Variants in BPHL observed in about 807,000 individuals in gnomAD.
BPHL encodes the protein serine hydrolase BPHL.
Under a neutral mutation model 31.2 loss-of-function variants are expected in BPHL, and 27 were observed. The ratio of observed to expected loss-of-function variants is 0.87; its 90% CI spans 0.64 to 1.19. The LOEUF is 1.19. Among genes scored for constraint, BPHL ranks in the 50% most tolerant of loss-of-function variants. The pLI, the probability that BPHL is intolerant of heterozygous loss-of-function variation, is 0.00. For synonymous variants in BPHL, 150 were observed against 146.8 expected (o/e 1.02, Z -0.16); for missense variants, 356 against 375.7 (o/e 0.95, Z 0.43).
chr6:3,118,960 C>G (rs1344495523), intron 1 of BPHL, 113 bp downstream of exon 1: 5 of 900,658 alleles, frequency 5.6e-6, no homozygotes, highest in Non-Finnish European at 7.3e-6. Context: ...GGGGCGTGGG[C>G]GCGGCCTGGC....
chr6:3,144,228 C>T lies in BPHL; in HGVS notation c.788+3719C>T, dbSNP rs1030268448. Among the ~76,000 whole-genome samples the T allele has an allele frequency of 3.3e-5, 5 of 152,122 alleles. No homozygotes were observed. The East Asian group carries it at 5.8e-4, about 18-fold the overall frequency. On this transcript the variant is annotated intron_variant, in intron 6 of 6. Transcript: ENST00000380379. ...GACTACAGGCGCCCACCACCACGCC[C>T]GGCTAATTTTTTGTATTTTTAGTGG...
At chr6:3,131,039 T>G (rs533651020) in intron 4 of BPHL, among the ~76,000 whole-genome samples, 19 of 152,282 alleles carry the variant, frequency 1.2e-4, no homozygotes, top group African/African-American at 3.4e-4. Flanking sequence ...TCCTGTATCC[T>G]TAAATTCTCT....
At chr6:3,152,061 T>G (rs544953918) in intron 6 of BPHL, among the ~76,000 whole-genome samples, 1 of 152,344 alleles carries the variant, frequency 6.6e-6, no homozygotes, top group East Asian at 1.9e-4. Flanking sequence ...GCCAAGAAAC[T>G]CACCTGCCCC....
At chr6:3,124,926 C>T (rs1168210456) in intron 2 of BPHL, among the ~76,000 whole-genome samples, 9 of 152,192 alleles carry the variant, frequency 5.9e-5, no homozygotes, top group Admixed American at 3.3e-4. Flanking sequence ...ACCTGATGAA[C>T]AAGGACACTG....
chr6:3,137,784 A>G (rs998044729), intron 5 of BPHL, among the ~76,000 whole-genome samples: 1 of 152,180 alleles, frequency 6.6e-6, no homozygotes, highest in Non-Finnish European at 1.5e-5. Context: ...TGACAAAATA[A>G]TTATCCAGAA....
At chr6:3,151,554 G>T (rs1762524688) in intron 6 of BPHL, among the ~76,000 whole-genome samples, 3 of 152,066 alleles carry the variant, frequency 2.0e-5, no homozygotes, top group South Asian at 4.1e-4. Context: ...CTGAGGTTCT[G>T]AGCTGTCAGC....
intron 3 of BPHL, among the ~76,000 whole-genome samples, chr6:3,128,390 C>T (rs1010976991): frequency 6.6e-6 from 1 of 152,180 alleles, no homozygotes; most frequent in Non-Finnish European, 1.5e-5. Context: ...ATTTTATGGT[C>T]CGGGCAGCAA....
In BPHL at chr6:3,143,526, C is replaced by T. The variant is rs1340639411; in HGVS notation, c.788+3017C>T. The stretch of plus-strand genomic sequence containing the variant: ...AATGTGTTTTTAGTCGGTTGAAGCC[C>T]TTCCTCTAACAAGCACTTGTGCTGC... On this transcript the variant is annotated intron_variant, in intron 6 of 6. Transcript: ENST00000380379. 3.3e-5 allele frequency among the ~76,000 whole-genome samples: 5 copies of T among 152,326 alleles called. No homozygotes were observed. In the South Asian group the frequency reaches 1.0e-3, roughly 32 times the overall value.
At chr6:3,120,035 A>G (rs1561786529) in intron 1 of BPHL, among the ~76,000 whole-genome samples, 1 of 150,314 alleles carries the variant, frequency 6.7e-6, no homozygotes, top group South Asian at 2.1e-4. Context: ...TTGTACCAAT[A>G]TAGTTCTTTT....
Position 3,123,740 on chromosome 6 carries a change from T to G in BPHL, c.191T>G (p.Leu64Arg). Residue 64 changes from leucine (L) to arginine (R), a missense_variant, in exon 2 of 7, where the codon CTG becomes CGG. Coordinates refer to ENST00000380379, the MANE Select transcript of BPHL (RefSeq NM_004332.4). ...QQTGEGDHAV[L>R]LLPGMLGSGE... Reference sequence around the variant, plus strand: ...ACTGGAGAGGGAGATCACGCAGTCCTGCTACTTCCTGGGATGTTAGGTCTG... The same window carrying G: ...ACTGGAGAGGGAGATCACGCAGTCCGGCTACTTCCTGGGATGTTAGGTCTG... 6.2e-7 allele frequency: 1 copy of G among 1,612,990 alleles called. No homozygotes were observed. Among genetic ancestry groups the G allele is most frequent in the Non-Finnish European group, 8.5e-7 (1 of 1,179,390 alleles).
intron 3 of BPHL, among the ~76,000 whole-genome samples, chr6:3,128,763 G>A (rs567882694): frequency 3.3e-5 from 5 of 152,204 alleles, no homozygotes; most frequent in Non-Finnish European, 7.3e-5. Flanking sequence ...TAAGTACTTG[G>A]TCTCCATTGA....
chr6:3,118,682 C>A, upstream of BPHL: 2 of 1,184,726 alleles, frequency 1.7e-6, no homozygotes, highest in Non-Finnish European at 2.1e-6. Flanking sequence ...CAGAGTGGGC[C>A]GGGTACCGCG....
At chr6:3,128,732 G>A (rs976340462) in intron 3 of BPHL, among the ~76,000 whole-genome samples, 2 of 152,194 alleles carry the variant, frequency 1.3e-5, no homozygotes, top group African/African-American at 4.8e-5. Context: ...GCATACACAC[G>A]TATGCTGTAT....
At chr6:3,118,520 G>A (rs1442072957), upstream of BPHL, 3 of 380,202 alleles carry the variant, frequency 7.9e-6, no homozygotes, top group Non-Finnish European at 1.4e-5. Context: ...GTCTACGCGG[G>A]TGCCGGCGGT....
At chr6:3,142,897 G>A (rs888963124) in intron 6 of BPHL, among the ~76,000 whole-genome samples, 2 of 152,108 alleles carry the variant, frequency 1.3e-5, no homozygotes, top group African/African-American at 4.8e-5. Context: ...GTTTAATTTA[G>A]GCCCATCTCC....
intron 6 of BPHL, among the ~76,000 whole-genome samples, chr6:3,151,321 C>T (rs1269003248): frequency 6.6e-6 from 1 of 152,176 alleles, no homozygotes; most frequent in African/African-American, 2.4e-5. Context: ...GCAACTCATC[C>T]TTCTTTTCTG....
chr6:3,131,245 C>G lies in BPHL; in HGVS notation c.532+2047C>G, dbSNP rs550184452. 2.0e-3 allele frequency among the ~76,000 whole-genome samples: 312 copies of G among 152,228 alleles called. 1 individual carries two copies. The highest frequency in any genetic ancestry group is 3.8e-3 in the Non-Finnish European group (257 of 67,998). On this transcript the variant is annotated intron_variant, in intron 4 of 6. Transcript: ENST00000380379. Reference sequence around the variant, plus strand: ...AGTCCATTCTGCCCCATCTCCCTCTCTGGCCCATTCTAGCCCCCTCTACTG... The same window carrying G: ...AGTCCATTCTGCCCCATCTCCCTCTGTGGCCCATTCTAGCCCCCTCTACTG...
intron 4 of BPHL, among the ~76,000 whole-genome samples, chr6:3,132,177 G>T (rs562286668): frequency 6.6e-6 from 1 of 152,194 alleles, no homozygotes; most frequent in South Asian, 2.1e-4. Context: ...GCTGTGGCCC[G>T]CCAGTGTGCT....
chr6:3,137,292 C>A (rs532869218), intron 4 of BPHL, 70 bp from the exon 5 acceptor site: 9 of 1,563,140 alleles, frequency 5.8e-6, no homozygotes, highest in Admixed American at 1.8e-5. Context: ...GTGGCTCTTG[C>A]TCAGAATACT....
Sources: allele counts gnomAD v4.1 joint callset (sites outside exome capture counted in the v4.1 genomes callset), GRCh38; gene constraint gnomAD v4.1.1; transcripts MANE v1.5; gene names NCBI Gene and HGNC (gene_info 2026-07-23, HGNC 2026-07-21).